The following SLC12A8 variants were observed in gnomAD, a reference collection of about 807,000 sequenced individuals.
The protein encoded by SLC12A8 is solute carrier family 12 member 8.
A neutral mutation model predicts 75.6 loss-of-function variants in SLC12A8; 69 were observed. The ratio of observed to expected loss-of-function variants is 0.91; its 90% CI spans 0.75 to 1.11. The LOEUF is 1.11. Ranked by LOEUF, SLC12A8 falls within the 50% of genes most tolerant of loss-of-function variation. The probability of loss-of-function intolerance (pLI) is 0.00; values close to 1 mark genes in which losing one functional copy is unlikely to be tolerated. For missense variants in SLC12A8, 877 were observed against 896.7 expected, an observed-to-expected ratio of 0.98 and a Z score of 0.28; for synonymous variants, 365 against 372.8, an observed-to-expected ratio of 0.98 and a Z score of 0.24.
chr3:125,181,607 C>CAA lies in SLC12A8; in HGVS notation c.391-3635_391-3634dup, dbSNP rs67602083. Among the ~76,000 whole-genome samples the CAA allele has an allele frequency of 3.6e-3, 240 of 67,362 alleles. 7 individuals carry two copies. The highest frequency in any genetic ancestry group is 3.9e-3 in the Non-Finnish European group (148 of 38,066). The allele number at this position is 67,362 out of a possible 152,430, so 44.2% of individuals were successfully genotyped here. A position where few individuals can be genotyped will look rare whatever the true frequency, so the allele number is the denominator to read the frequency against. ...TGGGCGACAGAGCGAGACTCCGTCT[C>CAA]AAAAAAAAAAAAAAAAAAAAGAAAA... On this transcript the variant is annotated intron_variant, in intron 4 of 13. Transcript: ENST00000469902.
chr3:125,175,580 G>C (rs1047952274), intron 5 of SLC12A8, among the ~76,000 whole-genome samples: 1 of 152,132 alleles, frequency 6.6e-6, no homozygotes, highest in Non-Finnish European at 1.5e-5. Context: ...CCAGTAGCAC[G>C]GCCTTGCAAT....
At chr3:125,091,642 C>A in intron 11 of SLC12A8, 86 bp from the exon 12 acceptor site, 1 of 842,624 alleles carries the variant, frequency 1.2e-6, no homozygotes, top group Non-Finnish European at 2.0e-6. Flanking sequence ...TCAGCAACAA[C>A]ATTCCCTCTC....
chr3:125,085,874 C>T (rs771376393), intron 13 of SLC12A8, among the ~76,000 whole-genome samples: 11 of 151,926 alleles, frequency 7.2e-5, no homozygotes, highest in Non-Finnish European at 1.5e-4. Context: ...GTGCATCTGA[C>T]CAATCTCTAT....
rs779335907 is a variant in SLC12A8, at chr3:125,190,418, T to G, written c.155A>C (p.Asn52Thr). The G allele has an allele frequency of 3.7e-6, 6 of 1,614,184 alleles. No homozygotes were observed. In the South Asian group the frequency reaches 6.6e-5, roughly 18 times the overall value. ...CAGGAAGAGCACAACCCCAAAGATG[T>G]TGATCATGCAGGATGTGAACACACC... ...WDGVFTSCMI[N>T]IFGVVLFLRT... Residue 52 changes from asparagine to threonine, a missense_variant, in exon 3 of 14, where the codon AAC becomes ACC. Coordinates refer to ENST00000469902, the MANE Select transcript of SLC12A8 (RefSeq NM_024628.6).
At chr3:125,126,765 CT>C (rs1933218878) in intron 6 of SLC12A8, among the ~76,000 whole-genome samples, 1 of 152,238 alleles carries the variant, frequency 6.6e-6, no homozygotes. Flanking sequence ...AACTCTTCAA[CT>C]TTTTCTTTCC....
intron 6 of SLC12A8, among the ~76,000 whole-genome samples, chr3:125,130,855 G>A (rs1933337897): frequency 1.3e-5 from 2 of 152,188 alleles, no homozygotes; most frequent in African/African-American, 4.8e-5. Flanking sequence ...GGGCACATCA[G>A]GGCCACATTG....
chr3:125,135,590 G>A lies in SLC12A8; in HGVS notation c.736+79C>T, dbSNP rs148882544. 1.2e-4 allele frequency: 100 copies of A among 826,506 alleles called. No homozygotes were observed. In the African/African-American group the frequency reaches 1.6e-3, roughly 13 times the overall value. The allele number at this position is 826,506 out of a possible 1,614,324, so 51.2% of individuals were successfully genotyped here. A position where few individuals can be genotyped will look rare whatever the true frequency, so the allele number is the denominator to read the frequency against. On this transcript the variant is annotated intron_variant, in intron 6 of 13. Coordinates refer to ENST00000469902, the MANE Select transcript of SLC12A8 (RefSeq NM_024628.6). ...ATATACATACCAAGAGTACCTGCAGGCCAATGATGATGCTGAATTTTGGAA... is the reference window on the plus strand; with the variant it reads ...ATATACATACCAAGAGTACCTGCAGACCAATGATGATGCTGAATTTTGGAA...
rs185813529 is a variant in SLC12A8, at chr3:125,182,708, A to G, written c.390+4529T>C. Among the ~76,000 whole-genome samples the G allele has an allele frequency of 9.3e-4, 141 of 152,282 alleles. No homozygotes were observed. The Middle Eastern group carries it at 0.017, about 18-fold the overall frequency. ...TTTTTAGTAGGGACAGGGTTTCACC[A>G]TATCGGTCAGGCTGGTCTCGAACTC... On this transcript the variant is annotated intron_variant, in intron 4 of 13. Coordinates refer to ENST00000469902, the MANE Select transcript of SLC12A8 (RefSeq NM_024628.6).
intron 5 of SLC12A8, among the ~76,000 whole-genome samples, chr3:125,175,652 A>G (rs1194787909): frequency 6.6e-6 from 1 of 151,928 alleles, no homozygotes; most frequent in Non-Finnish European, 1.5e-5. Context: ...GGAATCAGGG[A>G]CCTGAGTGGA....
chr3:125,185,840 G>T (rs1392357080), intron 4 of SLC12A8, among the ~76,000 whole-genome samples: 2 of 152,254 alleles, frequency 1.3e-5, no homozygotes, highest in African/African-American at 4.8e-5. Context: ...AGTGACCAGG[G>T]GGACTCTAAT....
At chr3:125,113,738 G>A (rs1002896397) in intron 8 of SLC12A8, among the ~76,000 whole-genome samples, 1 of 152,070 alleles carries the variant, frequency 6.6e-6, no homozygotes, top group Admixed American at 6.6e-5. Context: ...CCCACCCCCA[G>A]AGCTCTTTCC....
chr3:125,147,629 C>T (rs1933818135), intron 5 of SLC12A8, among the ~76,000 whole-genome samples: 1 of 152,092 alleles, frequency 6.6e-6, no homozygotes, highest in African/African-American at 2.4e-5. Context: ...AGTGACCATA[C>T]ATCCTGCCCT....
intron 2 of SLC12A8, among the ~76,000 whole-genome samples, chr3:125,195,974 C>T (rs1364845464): frequency 2.6e-5 from 4 of 152,208 alleles, no homozygotes; most frequent in African/African-American, 4.8e-5. Context: ...AAAATAGACC[C>T]TAATGCCCTC....
chr3:125,130,488 AAGCTGAAGC>A (rs1477138236), intron 6 of SLC12A8, among the ~76,000 whole-genome samples: 2 of 152,144 alleles, frequency 1.3e-5, no homozygotes, highest in East Asian at 3.9e-4. Context: ...GCTACTCAGG[AAGCTGAAGC>A]ACGAGAATCT....
At chr3:125,133,153 A>C (rs745434545) in intron 6 of SLC12A8, among the ~76,000 whole-genome samples, 3 of 152,072 alleles carry the variant, frequency 2.0e-5, no homozygotes, top group Non-Finnish European at 2.9e-5. Context: ...GGAGAGGGAA[A>C]GGCTATTGCT....
At chr3:125,165,089 T>A (rs574666097) in intron 5 of SLC12A8, among the ~76,000 whole-genome samples, 342 of 152,314 alleles carry the variant, frequency 2.2e-3, no homozygotes, top group African/African-American at 7.8e-3. Context: ...TGTTCCTGCA[T>A]CTTTGAGGAG....
intron 10 of SLC12A8, among the ~76,000 whole-genome samples, chr3:125,100,763 C>T (rs1478034303): frequency 6.7e-6 from 1 of 149,258 alleles, no homozygotes; most frequent in African/African-American, 2.4e-5. Flanking sequence ...CCTGTAATCC[C>T]AGCACTTTGG....
chr3:125,211,271 C>T (rs1336361890), intron 2 of SLC12A8, 28 bp downstream of exon 2: 2 of 1,608,180 alleles, frequency 1.2e-6, no homozygotes, highest in Non-Finnish European at 1.7e-6. Context: ...AGGCCTCCAT[C>T]ACAGACCCTG....
rs185055494 is a variant in SLC12A8 at position 125,106,416 on chromosome 3, G to T, written c.1705+1065C>A. On this transcript the variant is annotated intron_variant, in intron 10 of 13. Transcript: ENST00000469902. ...CTCACTCTGTCACCCAGGCTGGAGT[G>T]CAGTGTCATGATCTTGGCTCACTGC... Among the ~76,000 whole-genome samples, 3 of 152,054 alleles carry T rather than the reference G, an allele frequency of 2.0e-5. No individual in the cohort carries two copies. In the East Asian group the frequency reaches 5.8e-4, roughly 29 times the overall value.
Sources: gnomAD v4.1 joint callset for allele counts (sites outside exome capture counted in the v4.1 genomes callset) on GRCh38, gnomAD v4.1.1 for gene constraint, MANE v1.5 for transcripts, NCBI Gene and HGNC (gene_info 2026-07-23, HGNC 2026-07-21) for gene names.